ZFYVE27: variants seen among roughly 807,000 people sequenced by gnomAD.
ZFYVE27 encodes protrudin.
Under a neutral mutation model 52.8 loss-of-function variants are expected in ZFYVE27, and 36 were observed. The observed-to-expected ratio is 0.68, with a 90% CI of 0.52 to 0.90. The LOEUF is 0.90. ZFYVE27 is among the 40% of genes least tolerant of loss of function. The pLI, the probability that ZFYVE27 is intolerant of heterozygous loss-of-function variation, is 0.00. For missense variants in ZFYVE27, 450 were observed against 527.2 expected, an observed-to-expected ratio of 0.85 and a Z score of 1.43; for synonymous variants, 223 against 215.6, an observed-to-expected ratio of 1.03 and a Z score of -0.30.
At chr10:97,742,727 TA>T (rs1168415673) in intron 2 of ZFYVE27, among the ~76,000 whole-genome samples, 4 of 152,124 alleles carry the variant, frequency 2.6e-5, no homozygotes, top group East Asian at 3.8e-4. Flanking sequence ...TATGAAATTA[TA>T]AAAAAAGAAT....
In ZFYVE27 at chr10:97,751,417, G is replaced by A. The variant is rs774921527; in HGVS notation, c.831G>A (p.Glu277=). The A allele has an allele frequency of 1.2e-6, 2 of 1,614,002 alleles. No individual in the cohort carries two copies. Among genetic ancestry groups the A allele is most frequent in the Non-Finnish European group, 1.7e-6 (2 of 1,179,910 alleles). ...TEDLTPGSVE[E]AEEAEPDEEF... is the part of the protein sequence containing the mutation. ...ACCTCACACCGGGCAGCGTGGAGGA[G>A]GCTGAGGAGGCTGAGCCAGATGAAG... The change falls in exon 8 of 13, where the codon GAG becomes GAA. Residue 277 remains glutamate (E), a synonymous_variant. Coordinates refer to ENST00000684270, the MANE Select transcript of ZFYVE27 (RefSeq NM_001385875.1).
intron 8 of ZFYVE27, among the ~76,000 whole-genome samples, 197 bp downstream of exon 8, chr10:97,751,659 A>G: frequency 6.6e-6 from 1 of 152,202 alleles, no homozygotes. Flanking sequence ...CTGGGTGCCC[A>G]GGGCAAGAGT....
chr10:97,751,595 G>A, intron 8 of ZFYVE27, 133 bp downstream of exon 8: 1 of 881,624 alleles, frequency 1.1e-6, no homozygotes, highest in Non-Finnish European at 1.8e-6. Flanking sequence ...CTCACTGGTT[G>A]AAAGAGTGCC....
chr10:97,751,283 T>G, intron 7 of ZFYVE27, 108 bp from the exon 8 acceptor site: 1 of 1,223,012 alleles, frequency 8.2e-7, no homozygotes, highest in Non-Finnish European at 1.2e-6. Context: ...CATTGTGCCA[T>G]TTCGTGGTGT....
chr10:97,753,224 G>A (rs1177619978), intron 10 of ZFYVE27, 42 bp downstream of exon 10: 1 of 1,591,648 alleles, frequency 6.3e-7, no homozygotes, highest in South Asian at 1.1e-5. Flanking sequence ...GGGAGTGGGG[G>A]TGGACTTCTG....
intron 10 of ZFYVE27, among the ~76,000 whole-genome samples, chr10:97,755,722 T>C (rs2048183496): frequency 6.6e-6 from 1 of 152,032 alleles, no homozygotes; most frequent in Non-Finnish European, 1.5e-5. Context: ...GAGGGCAGAC[T>C]GCAAAGGAGC....
chr10:97,743,030 C>T, intron 2 of ZFYVE27, 64 bp from the exon 3 acceptor site: 6 of 1,573,344 alleles, frequency 3.8e-6, no homozygotes, highest in Non-Finnish European at 4.4e-6. Context: ...TCTGTGCTGC[C>T]TGGTCTCCCC....
At chr10:97,749,861 G>A (rs1449793827) in intron 6 of ZFYVE27, among the ~76,000 whole-genome samples, 1 of 152,168 alleles carries the variant, frequency 6.6e-6, no homozygotes, top group African/African-American at 2.4e-5. Flanking sequence ...GATGGCTTCT[G>A]GAAGATGAGG....
intron 12 of ZFYVE27, 32 bp from the exon 13 acceptor site, chr10:97,759,204 A>C: frequency 6.2e-7 from 1 of 1,613,760 alleles, no homozygotes; most frequent in South Asian, 1.1e-5. Flanking sequence ...GGGCGCAAGG[A>C]AATGTCTCAC....
chr10:97,757,679 G>A lies in ZFYVE27; in HGVS notation c.1127G>A (p.Arg376Gln), dbSNP rs1564838806. 3.1e-6 allele frequency: 5 copies of A among 1,614,224 alleles called. No homozygotes were observed. Among genetic ancestry groups the A allele is most frequent in the Non-Finnish European group, 4.2e-6 (5 of 1,180,038 alleles). The stretch of plus-strand genomic sequence containing the variant: ...AATTGTGGAAACAGCTTCTGCTCTC[G>A]ATGCTGCTCCTTCAAGGTGCCCAAG... ...CSNCGNSFCSRCCSFKVPKSS... is the reference protein window; with the variant it reads ...CSNCGNSFCSQCCSFKVPKSS... Residue 376 changes from arginine (R) to glutamine (Q), a missense_variant, in exon 12 of 13, where the codon CGA (arginine) becomes CAA (glutamine). Arg to Gln is a conservative substitution (Grantham distance 43). Coordinates refer to ENST00000684270, the MANE Select transcript of ZFYVE27 (RefSeq NM_001385875.1).
chr10:97,751,486 CTCTACTCAGCA>C, intron 8 of ZFYVE27, 24 bp downstream of exon 8: 1 of 1,612,168 alleles, frequency 6.2e-7, no homozygotes, highest in African/African-American at 1.3e-5. Context: ...CCCCAGCATC[CTCTACTCAGCA>C]GGCCAGAAAT....
At chr10:97,758,042 C>T (rs2048834343) in intron 12 of ZFYVE27, 1 of 236,494 alleles carries the variant, frequency 4.2e-6, no homozygotes, top group South Asian at 1.6e-4. Flanking sequence ...AGTCAATCAC[C>T]AGCCGCAATT....
At chr10:97,754,404 C>G (rs1047553011) in intron 10 of ZFYVE27, among the ~76,000 whole-genome samples, 1 of 151,170 alleles carries the variant, frequency 6.6e-6, no homozygotes, top group East Asian at 1.9e-4. Context: ...CCTCGACTTC[C>G]TGGGCTCAAG....
intron 8 of ZFYVE27, among the ~76,000 whole-genome samples, chr10:97,752,415 G>A (rs1388537862): frequency 2.0e-5 from 3 of 152,144 alleles, no homozygotes; most frequent in South Asian, 2.1e-4. Flanking sequence ...ATTGTAGACC[G>A]TGAATCTTGG....
At chr10:97,747,515 G>A (rs1168181574) in intron 4 of ZFYVE27, among the ~76,000 whole-genome samples, 1 of 152,112 alleles carries the variant, frequency 6.6e-6, no homozygotes, top group Non-Finnish European at 1.5e-5. Context: ...CTACTATAAG[G>A]AAGCTCTTTC....
chr10:97,748,420 G>A (rs2046035397), intron 5 of ZFYVE27, 56 bp downstream of exon 5: 18 of 1,571,738 alleles, frequency 1.1e-5, no homozygotes, highest in Admixed American at 5.5e-5. Context: ...GCTTGAGCCC[G>A]AGCAAAGCCA....
At chr10:97,738,887 C>T in intron 2 of ZFYVE27, 1 of 593,430 alleles carries the variant, frequency 1.7e-6, no homozygotes, top group Non-Finnish European at 3.0e-6. Context: ...ATGATCCTGC[C>T]TTTCAGCAAG....
chr10:97,758,321 GTT>G (rs1209431511), intron 12 of ZFYVE27: 7,135 of 134,332 alleles, frequency 0.053, 437 homozygotes, highest in African/African-American at 0.17. Flanking sequence ...GTTAAACCAA[GTT>G]TTTTTTTTTT....
intron 9 of ZFYVE27, 37 bp downstream of exon 9, chr10:97,752,914 C>T (rs758070526): frequency 6.2e-7 from 1 of 1,613,166 alleles, no homozygotes; most frequent in Admixed American, 1.7e-5. Flanking sequence ...AGGGGCTGGG[C>T]TGGGGAGGGT....
Sources: gnomAD v4.1 joint callset for allele counts (sites outside exome capture counted in the v4.1 genomes callset) on GRCh38, gnomAD v4.1.1 for gene constraint, MANE v1.5 for transcripts, NCBI Gene and HGNC (gene_info 2026-07-23, HGNC 2026-07-21) for gene names.